The following CCSER1 variants were observed in gnomAD, a reference collection of about 807,000 sequenced individuals.
CCSER1 encodes serine-rich coiled-coil domain-containing protein 1.
In CCSER1, 41 loss-of-function variants were observed where a neutral mutation model predicts 82.0. The ratio of observed to expected loss-of-function variants is 0.50; its 90% CI spans 0.39 to 0.65. CCSER1 has a LOEUF of 0.65. Among genes scored for constraint, CCSER1 ranks in the 30% least tolerant of loss-of-function variants. The pLI, the probability that CCSER1 is intolerant of heterozygous loss-of-function variation, is 0.00. For synonymous variants in CCSER1, 414 were observed against 383.9 expected (o/e 1.08, Z -0.92); for missense variants, 1,119 against 1,064.2 (o/e 1.05, Z -0.72).
chr4:91,184,859 G>A (rs6833865), intron 10 of CCSER1, among the ~76,000 whole-genome samples: 110,219 of 152,084 alleles, frequency 0.72, 40,237 homozygotes, highest in Non-Finnish European at 0.78. Flanking sequence ...ATTGTTCTGG[G>A]ATTAGAACTT....
At chr4:90,860,226 G>A (rs1007473663) in intron 8 of CCSER1, among the ~76,000 whole-genome samples, 1 of 151,578 alleles carries the variant, frequency 6.6e-6, no homozygotes, top group Non-Finnish European at 1.5e-5. Context: ...TAAGATATAT[G>A]AATGTCCAAT....
chr4:90,784,528 G>A (rs976942582), intron 7 of CCSER1, among the ~76,000 whole-genome samples: 2 of 152,154 alleles, frequency 1.3e-5, no homozygotes, highest in Non-Finnish European at 2.9e-5. Context: ...AGAAGGAGTG[G>A]GAGGGGACTA....
At chr4:90,136,113 G>A (rs1262315330) in intron 1 of CCSER1, among the ~76,000 whole-genome samples, 3 of 152,096 alleles carry the variant, frequency 2.0e-5, no homozygotes, top group East Asian at 3.9e-4. Flanking sequence ...AAAAATTGAC[G>A]AAATTTATTC....
intron 1 of CCSER1, among the ~76,000 whole-genome samples, chr4:90,251,859 A>C (rs1037090404): frequency 2.0e-5 from 3 of 151,786 alleles, no homozygotes; most frequent in African/African-American, 7.2e-5. Flanking sequence ...TTCAAAAATA[A>C]TTTGAGTCTT....
intron 10 of CCSER1, among the ~76,000 whole-genome samples, chr4:91,377,127 A>C (rs1750480322): frequency 6.6e-6 from 1 of 151,926 alleles, no homozygotes; most frequent in Admixed American, 6.6e-5. Flanking sequence ...TATGTGTCAC[A>C]TTTTCTTAAT....
intron 4 of CCSER1, among the ~76,000 whole-genome samples, chr4:90,402,370 T>A (rs1752998975): frequency 6.6e-6 from 1 of 152,230 alleles, no homozygotes; most frequent in Non-Finnish European, 1.5e-5. Flanking sequence ...TAGTTAATTT[T>A]ATTGGGTGTT....
chr4:90,192,524 G>A (rs1323639520), intron 1 of CCSER1, among the ~76,000 whole-genome samples: 1 of 152,028 alleles, frequency 6.6e-6, no homozygotes, highest in Non-Finnish European at 1.5e-5. Flanking sequence ...TGCGACCATT[G>A]CCGTGCAGTA....
At chr4:90,959,243 A>G (rs1032803445) in intron 9 of CCSER1, among the ~76,000 whole-genome samples, 1 of 152,206 alleles carries the variant, frequency 6.6e-6, no homozygotes, top group South Asian at 2.1e-4. Context: ...CACTGGAAGA[A>G]CATGCAGTAT....
intron 3 of CCSER1, among the ~76,000 whole-genome samples, chr4:90,372,718 C>G (rs1309621615): frequency 6.6e-6 from 1 of 151,644 alleles, no homozygotes. Context: ...CCACTGCACT[C>G]CAGCCTGGGC....
intron 10 of CCSER1, among the ~76,000 whole-genome samples, chr4:91,164,180 C>T (rs1473646217): frequency 6.6e-6 from 1 of 152,118 alleles, no homozygotes; most frequent in Admixed American, 6.6e-5. Flanking sequence ...ATTTCTCCTT[C>T]ACTTATGAAG....
chr4:90,911,084 C>T (rs918675895), intron 8 of CCSER1, among the ~76,000 whole-genome samples: 1 of 152,196 alleles, frequency 6.6e-6, no homozygotes. Context: ...TCTGCAGGAA[C>T]TTAGCAACGT....
At chr4:90,949,089 G>A (rs1732602533) in intron 9 of CCSER1, among the ~76,000 whole-genome samples, 2 of 152,034 alleles carry the variant, frequency 1.3e-5, no homozygotes, top group Admixed American at 6.6e-5. Flanking sequence ...TTATAAATTT[G>A]TATAGAGAAA....
intron 10 of CCSER1, among the ~76,000 whole-genome samples, chr4:91,220,074 G>A (rs566442599): frequency 5.7e-4 from 87 of 152,166 alleles, no homozygotes; most frequent in Non-Finnish European, 9.4e-4. Flanking sequence ...CTTCCCTCCC[G>A]AGTCACTTTT....
chr4:91,106,304 T>C (rs1038937388), intron 10 of CCSER1, among the ~76,000 whole-genome samples: 3 of 152,186 alleles, frequency 2.0e-5, no homozygotes, highest in African/African-American at 7.2e-5. Flanking sequence ...TTTGAATAAC[T>C]TTCCCGAAGT....
chr4:91,486,054 A>G (rs185009579), intron 10 of CCSER1, among the ~76,000 whole-genome samples: 3 of 152,106 alleles, frequency 2.0e-5, no homozygotes, highest in Admixed American at 6.5e-5. Context: ...GTATATTTCA[A>G]TTCAATGAAC....
intron 6 of CCSER1, among the ~76,000 whole-genome samples, chr4:90,709,946 G>GGTT (rs1553992979): frequency 1.5e-5 from 2 of 134,972 alleles, no homozygotes; most frequent in Non-Finnish European, 3.2e-5. Context: ...GCCAGCATCT[G>GGTT]TTTTTTTTTT....
At chr4:91,303,021 C>T (rs987812880) in intron 10 of CCSER1, among the ~76,000 whole-genome samples, 2 of 152,024 alleles carry the variant, frequency 1.3e-5, no homozygotes, top group African/African-American at 4.8e-5. Flanking sequence ...ACTTAGCAAT[C>T]ACTCAGTAAT....
Position 90,194,200 on chromosome 4 carries a change from G to A in CCSER1, c.-42+66369G>A, listed in dbSNP as rs1038594310. 8.6e-5 allele frequency among the ~76,000 whole-genome samples: 13 copies of A among 152,012 alleles called. 1 individual carries two copies. Among genetic ancestry groups the A allele is most frequent in the African/African-American group, 3.1e-4 (13 of 41,428 alleles). On this transcript the variant is annotated intron_variant, in intron 1 of 10. Coordinates refer to ENST00000509176, the MANE Select transcript of CCSER1 (RefSeq NM_001145065.2). ...GATCAGATTTGCAGCCCAGTTACTT[G>A]TTAGTAACTTAATTGTGTGCAACTT... is the stretch of plus-strand genomic sequence containing the variant.
intron 10 of CCSER1, among the ~76,000 whole-genome samples, chr4:91,139,207 A>G (rs1202692083): frequency 1.3e-5 from 2 of 152,146 alleles, no homozygotes; most frequent in Admixed American, 6.6e-5. Flanking sequence ...TGTAAGGTAC[A>G]TGATGTTTTC....
Sources: gnomAD v4.1 joint callset for allele counts (sites outside exome capture counted in the v4.1 genomes callset) on GRCh38, gnomAD v4.1.1 for gene constraint, MANE v1.5 for transcripts, NCBI Gene and HGNC (gene_info 2026-07-23, HGNC 2026-07-21) for gene names.